Variants in JADE1 observed in about 807,000 individuals in gnomAD.
The protein encoded by JADE1 is jade family PHD finger 1.
A neutral mutation model predicts 81.8 loss-of-function variants in JADE1; 14 were observed. That is an observed-to-expected ratio of 0.17 (90% CI 0.11 to 0.27). JADE1 has a LOEUF of 0.27. Ranked by LOEUF, JADE1 falls within the 10% of genes least tolerant of loss-of-function variation. The pLI is 1.00. For synonymous variants in JADE1, 353 were observed against 391.9 expected (o/e 0.90, Z 1.17); for missense variants, 690 against 1,047.9 (o/e 0.66, Z 4.71).
chr4:128,832,244 G>A (rs183155862), intron 2 of JADE1, among the ~76,000 whole-genome samples: 186 of 152,342 alleles, frequency 1.2e-3, no homozygotes, highest in African/African-American at 4.2e-3. Context: ...TTAATAGGTC[G>A]AAAGTCCCTG....
In JADE1 at chr4:128,855,719, G is replaced by A. The variant is rs1490185269; in HGVS notation, c.786G>A (p.Pro262=). 5 of 1,614,180 alleles carry A rather than the reference G, an allele frequency of 3.1e-6. No individual in the cohort carries two copies. The highest frequency in any genetic ancestry group is 2.2e-5 in the South Asian group (2 of 91,080). The change falls in exon 7 of 11, where the codon CCG becomes CCA. Residue 262 remains proline, a synonymous_variant. Coordinates refer to ENST00000226319, the MANE Select transcript of JADE1 (RefSeq NM_199320.4). ...LGVQPKCLLC[P]KKGGAMKPTR... is the part of the protein sequence containing the mutation. ...TTCAGCCAAAATGTCTGCTGTGTCCGAAGAAGGGTGGAGCTATGAAGCCCA... is the reference window on the plus strand; with the variant it reads ...TTCAGCCAAAATGTCTGCTGTGTCCAAAGAAGGGTGGAGCTATGAAGCCCA...
Position 128,871,021 on chromosome 4 carries a change from G to T in JADE1, c.1622-334G>T, listed in dbSNP as rs988994410. 1.3e-5 allele frequency among the ~76,000 whole-genome samples: 2 copies of T among 152,182 alleles called. No individual in the cohort carries two copies. The highest frequency in any genetic ancestry group is 4.8e-5 in the African/African-American group (2 of 41,436). ...CTGTAACCAGGTAGAGGGAGCAGAG[G>T]CAGCCATCAGCCACCTGATGAGTTC... is the stretch of plus-strand genomic sequence containing the variant. On this transcript the variant is annotated intron_variant, in intron 10 of 10. Coordinates refer to ENST00000226319, the MANE Select transcript of JADE1 (RefSeq NM_199320.4). This position sits in a 1 kb window ranked among gnomAD's most constrained non-coding sequence, Gnocchi z 4.1.
At chr4:128,831,626 C>A in intron 1 of JADE1, 107 bp from the exon 2 acceptor site, 1 of 863,266 alleles carries the variant, frequency 1.2e-6, no homozygotes, top group Non-Finnish European at 1.9e-6. Flanking sequence ...CTACTTAAAG[C>A]CATTTGTTTG....
At position 128,846,505 on chromosome 4, in the gene JADE1, C is replaced by T. The variant is rs779817654; in HGVS notation, c.269C>T (p.Pro90Leu). The change falls in exon 4 of 11, where the codon CCG becomes CTG. Residue 90 changes from proline (P) to leucine (L), a missense_variant. Coordinates refer to ENST00000226319, the MANE Select transcript of JADE1 (RefSeq NM_199320.4). The surrounding 1 kb of genome is among the most constrained non-coding windows in gnomAD (Gnocchi z 4.0). ...WEKGVQVPVS[P>L]GTIPQPVARV... ...AAAGGGGTCCAGGTGCCTGTGAGCC[C>T]GGGGACCATCCCTCAGCCTGTGGCC... 3.2e-5 allele frequency: 51 copies of T among 1,614,002 alleles called. No individual in the cohort carries two copies. Among genetic ancestry groups the T allele is most frequent in the Middle Eastern group, 1.6e-4 (1 of 6,084 alleles).
chr4:128,825,076 A>T lies in JADE1; in HGVS notation c.-26-6657A>T, dbSNP rs1727924806. Among the ~76,000 whole-genome samples, 3 of 151,954 alleles carry T rather than the reference A, an allele frequency of 2.0e-5. No homozygotes were observed. In the South Asian group the frequency reaches 6.2e-4, roughly 31 times the overall value. ...TTTTTTCGAGACAGAGTCTTGCTAT[A>T]TTGCCCGGGCTGGGGTGCAGTGGTA... On this transcript the variant is annotated intron_variant, in intron 1 of 10. Coordinates refer to ENST00000226319, the MANE Select transcript of JADE1 (RefSeq NM_199320.4).
chr4:128,871,297 A>C lies in JADE1; in HGVS notation c.1622-58A>C. 1 of 1,502,584 alleles carries C rather than the reference A, an allele frequency of 6.7e-7. No individual in the cohort carries two copies. Among genetic ancestry groups the C allele is most frequent in the Non-Finnish European group, 9.1e-7 (1 of 1,104,550 alleles). The allele number at this position is 1,502,584 out of a possible 1,614,324, so 93.1% of individuals were successfully genotyped here. ...GGCCACACTAAGGGTGTAGAATTTT[A>C]TTCTTTTGGATTTGCTTCTGCTGTA... On this transcript the variant is annotated intron_variant, in intron 10 of 10. Transcript: ENST00000226319. The surrounding 1 kb of genome is among the most constrained non-coding windows in gnomAD (Gnocchi z 4.1).
At chr4:128,862,825 G>A (rs1308457976) in intron 9 of JADE1, 1 of 994,232 alleles carries the variant, frequency 1.0e-6, no homozygotes, top group Non-Finnish European at 1.2e-6. Flanking sequence ...TGCATGAGCT[G>A]TATGTACACA....
rs756083994 is a variant in JADE1, at chr4:128,819,470, G to A, written c.-27+9593G>A. On this transcript the variant is annotated intron_variant, in intron 1 of 10. Transcript: ENST00000226319. ...ACCTTGGTCATCTCTCACACCCTCC[G>A]GGGGGGTCAAGCTAAGAAGACCTGT... Among the ~76,000 whole-genome samples the A allele has an allele frequency of 5.9e-5, 9 of 152,004 alleles. No homozygotes were observed. In the South Asian group the frequency reaches 6.2e-4, roughly 10 times the overall value.
intron 4 of JADE1, among the ~76,000 whole-genome samples, chr4:128,848,224 G>A (rs561419413): frequency 5.3e-5 from 8 of 152,190 alleles, no homozygotes; most frequent in South Asian, 2.1e-4. Context: ...TGTTGCCCAG[G>A]CTGGAGTGCA....
intron 3 of JADE1, among the ~76,000 whole-genome samples, chr4:128,843,683 G>A (rs11734137): frequency 0.067 from 10,265 of 152,186 alleles, 517 homozygotes; most frequent in Middle Eastern, 0.14. Flanking sequence ...TTAAATCATC[G>A]AAGAAAAACA....
At chr4:128,826,499 A>G (rs1381194093) in intron 1 of JADE1, among the ~76,000 whole-genome samples, 2 of 149,520 alleles carry the variant, frequency 1.3e-5, no homozygotes, top group African/African-American at 4.9e-5. Context: ...CTGGGACTAC[A>G]GGCATGCATC....
intron 1 of JADE1, among the ~76,000 whole-genome samples, chr4:128,827,563 G>A (rs1038853693): frequency 1.3e-5 from 2 of 152,184 alleles, no homozygotes; most frequent in Non-Finnish European, 2.9e-5. Flanking sequence ...GTAAAGCTGT[G>A]AGAAGTCAGA....
chr4:128,830,578 A>G (rs1361906836), intron 1 of JADE1, among the ~76,000 whole-genome samples: 6 of 152,070 alleles, frequency 3.9e-5, no homozygotes, highest in African/African-American at 9.7e-5. Context: ...GTGATTCCCA[A>G]TGAGGAGGAG....
Position 128,855,747 on chromosome 4 carries a change from C to G in JADE1, c.814C>G (p.Arg272Gly). ...PKKGGAMKPT[R>G]SGTKWVHVSC... Reference sequence around the variant, plus strand: ...GAAGGGTGGAGCTATGAAGCCCACCCGTAGCGGAACCAAGTGGGTCCACGT... The same window carrying G: ...GAAGGGTGGAGCTATGAAGCCCACCGGTAGCGGAACCAAGTGGGTCCACGT... Residue 272 changes from arginine to glycine, a missense_variant, in exon 7 of 11, where the codon CGT (arginine) becomes GGT (glycine). Arg to Gly is a moderately radical substitution (Grantham distance 125). Around this residue, in one of 8 missense-constraint regions of JADE1, gnomAD observed 84 missense variants for 226.6 expected, o/e 0.37. Transcript: ENST00000226319. The G allele has an allele frequency of 6.2e-7, 1 of 1,614,060 alleles. No homozygotes were observed. The highest frequency in any genetic ancestry group is 8.5e-7 in the Non-Finnish European group (1 of 1,179,944).
chr4:128,831,778 C>T lies in JADE1; in HGVS notation c.20C>T (p.Pro7Leu). The T allele has an allele frequency of 2.5e-6, 4 of 1,614,150 alleles. No individual in the cohort carries two copies. Among genetic ancestry groups the T allele is most frequent in the Non-Finnish European group, 3.4e-6 (4 of 1,180,032 alleles). Reference sequence around the variant, plus strand: ...GAGATCATGAAACGAGGTCGCCTTCCCAGCAGCAGTGAGGATTCTGACGAC... The same window carrying T: ...GAGATCATGAAACGAGGTCGCCTTCTCAGCAGCAGTGAGGATTCTGACGAC... MKRGRL[P>L]SSSEDSDDNG... Residue 7 changes from proline (P) to leucine (L), a missense_variant, in exon 2 of 11, where the codon CCC becomes CTC. By Grantham distance (98) the Pro-to-Leu change is moderately conservative. Transcript: ENST00000226319.
At chr4:128,869,476 G>A (rs1169852539) in intron 10 of JADE1, among the ~76,000 whole-genome samples, 2 of 152,168 alleles carry the variant, frequency 1.3e-5, no homozygotes, top group East Asian at 3.9e-4. Context: ...CTGTGGAGTT[G>A]TGCCATTGGA....
chr4:128,814,227 T>C (rs1726781616), intron 1 of JADE1, among the ~76,000 whole-genome samples: 1 of 152,116 alleles, frequency 6.6e-6, no homozygotes. Flanking sequence ...TTTGAGGAAA[T>C]GTGTTTTGTT....
intron 9 of JADE1, among the ~76,000 whole-genome samples, chr4:128,866,390 C>T (rs576344033): frequency 2.8e-4 from 43 of 152,334 alleles, no homozygotes; most frequent in African/African-American, 8.9e-4. Context: ...TTGGCATTTT[C>T]CTGTTTAGGC....
chr4:128,840,360 C>T (rs1193669837), intron 2 of JADE1, among the ~76,000 whole-genome samples: 1 of 152,198 alleles, frequency 6.6e-6, no homozygotes, highest in Non-Finnish European at 1.5e-5. Context: ...CTTCTCCCTA[C>T]TTCATGTTAA....
Sources: gnomAD v4.1 joint callset for allele counts (sites outside exome capture counted in the v4.1 genomes callset) on GRCh38, gnomAD v4.1.1 for gene constraint, gnomAD v4.1.1 regional missense constraint, Gnocchi (gnomAD v3.1) non-coding constraint, MANE v1.5 for transcripts, NCBI Gene and HGNC (gene_info 2026-07-23, HGNC 2026-07-21) for gene names.